SLC41A3: variants seen among roughly 807,000 people sequenced by gnomAD.
SLC41A3 encodes the protein SLC41A1-like 2.
Under a neutral mutation model 45.4 loss-of-function variants are expected in SLC41A3, and 44 were observed. The observed-to-expected ratio is 0.97, with a 90% CI of 0.76 to 1.25. SLC41A3 has a LOEUF of 1.25. SLC41A3 is among the 50% of genes most tolerant of loss of function. SLC41A3 has a pLI of 0.00. For synonymous variants in SLC41A3, 256 were observed against 252.4 expected (o/e 1.01, Z -0.13); for missense variants, 550 against 600.6 (o/e 0.92, Z 0.88).
chr3:126,090,028 C>CTTTTTTTTTTTTT (rs59737864), intron 1 of SLC41A3, among the ~76,000 whole-genome samples: 3 of 99,336 alleles, frequency 3.0e-5, no homozygotes, highest in Non-Finnish European at 5.9e-5. Flanking sequence ...TCAAGAAAAT[C>CTTTTTTTTTTTTT]TTTTTTTTTT....
chr3:126,010,062 T>A (rs1939541367), intron 9 of SLC41A3, among the ~76,000 whole-genome samples: 1 of 152,238 alleles, frequency 6.6e-6, no homozygotes, highest in South Asian at 2.1e-4. Context: ...TGGGCTGCAA[T>A]GAACAACATG....
intron 2 of SLC41A3, among the ~76,000 whole-genome samples, chr3:126,054,286 G>A (rs1187108848): frequency 2.0e-5 from 3 of 152,174 alleles, no homozygotes; most frequent in Admixed American, 6.5e-5. Flanking sequence ...AGATGACTAA[G>A]CACAGAGGAC....
At chr3:126,056,741 G>A (rs1315007555) in intron 2 of SLC41A3, 1 of 1,421,930 alleles carries the variant, frequency 7.0e-7, no homozygotes, top group African/African-American at 1.4e-5. Context: ...CAGCACAGAT[G>A]AGTGAGGAAC....
chr3:126,062,810 G>T (rs1327371453), intron 2 of SLC41A3, among the ~76,000 whole-genome samples: 2 of 152,170 alleles, frequency 1.3e-5, no homozygotes, highest in East Asian at 3.8e-4. Flanking sequence ...GCCCATTTAT[G>T]CTGTCATCTG....
chr3:126,015,071 T>C lies in SLC41A3; in HGVS notation c.970+423A>G, dbSNP rs148336746. On this transcript the variant is annotated intron_variant, in intron 8 of 10. Coordinates refer to ENST00000360370, the MANE Select transcript of SLC41A3 (RefSeq NM_017836.4). ...AGAAGAAGAAATCCAGATTTTTAAG[T>C]GTAAATATCTGAGTTCTGATGTCAG... Among the ~76,000 whole-genome samples the C allele has an allele frequency of 4.4e-3, 673 of 152,188 alleles. 4 individuals are homozygous for C. Among genetic ancestry groups the C allele is most frequent in the African/African-American group, 0.015 (636 of 41,528 alleles).
At chr3:126,059,949 G>A (rs779273851) in intron 2 of SLC41A3, among the ~76,000 whole-genome samples, 3 of 152,078 alleles carry the variant, frequency 2.0e-5, no homozygotes, top group African/African-American at 4.8e-5. Context: ...TCATAGTTTC[G>A]GACGTGGTCA....
rs1258442225 is a variant in SLC41A3 at position 126,063,252 on chromosome 3, C to T, written c.273+4695G>A. On this transcript the variant is annotated intron_variant, in intron 2 of 10. Coordinates refer to ENST00000360370, the MANE Select transcript of SLC41A3 (RefSeq NM_017836.4). ...ATATGCCACCTGCAGGAGGGGTGGT[C>T]TCCCCTGTCCTCAGTCCTTTGCCAG... 2.6e-5 allele frequency among the ~76,000 whole-genome samples: 4 copies of T among 152,150 alleles called. No individual in the cohort carries two copies. The East Asian group carries it at 7.7e-4, about 29-fold the overall frequency.
chr3:126,069,021 T>A (rs759841034), intron 1 of SLC41A3, among the ~76,000 whole-genome samples: 4 of 152,140 alleles, frequency 2.6e-5, no homozygotes, highest in Non-Finnish European at 5.9e-5. Context: ...AGGAAGGGGA[T>A]GTCAACAGGG....
At chr3:126,022,574 A>T (rs1940982694) in intron 6 of SLC41A3, among the ~76,000 whole-genome samples, 1 of 152,210 alleles carries the variant, frequency 6.6e-6, no homozygotes, top group Non-Finnish European at 1.5e-5. Flanking sequence ...TCATTAATCC[A>T]TCAATCCATT....
At chr3:126,065,280 G>C (rs186939904) in intron 2 of SLC41A3, among the ~76,000 whole-genome samples, 1 of 152,346 alleles carries the variant, frequency 6.6e-6, no homozygotes, top group East Asian at 1.9e-4. Context: ...AGAACTATGA[G>C]CTAATCAATG....
At chr3:126,056,444 A>G in intron 2 of SLC41A3, 1 of 1,614,266 alleles carries the variant, frequency 6.2e-7, no homozygotes, top group South Asian at 1.1e-5. Context: ...ATGATGGTGA[A>G]GAAAGATTCA....
intron 2 of SLC41A3, among the ~76,000 whole-genome samples, chr3:126,067,315 G>A (rs1394343312): frequency 5.9e-5 from 9 of 152,222 alleles, no homozygotes; most frequent in Non-Finnish European, 7.4e-5. Context: ...GCAAAAATTC[G>A]TATGTTGAAG....
At chr3:126,023,611 G>C (rs1325911455) in intron 5 of SLC41A3, 2 of 152,400 alleles carry the variant, frequency 1.3e-5, no homozygotes, top group African/African-American at 4.8e-5. Context: ...GCTTAGCGGT[G>C]CTGTCCATGG....
chr3:126,022,450 G>T (rs1354756154), intron 6 of SLC41A3, among the ~76,000 whole-genome samples: 1 of 152,224 alleles, frequency 6.6e-6, no homozygotes, highest in African/African-American at 2.4e-5. Context: ...CTTGCTGGCG[G>T]GGACTCTGTG....
At chr3:126,068,935 G>A (rs1010827815) in intron 1 of SLC41A3, among the ~76,000 whole-genome samples, 1 of 152,178 alleles carries the variant, frequency 6.6e-6, no homozygotes, top group Non-Finnish European at 1.5e-5. Context: ...GAAGTTAGTA[G>A]AAAACAATTA....
At chr3:126,033,486 AC>A in intron 4 of SLC41A3, 120 bp downstream of exon 4, 1 of 1,047,272 alleles carries the variant, frequency 9.5e-7, no homozygotes, top group African/African-American at 1.6e-5. Context: ...ACAGGTAGCT[AC>A]CTGTTCTCAA....
rs543895191 is a variant in SLC41A3, at chr3:126,066,090, C to T, written c.273+1857G>A. Reference sequence around the variant, plus strand: ...TCTCACCAACAGAAGCAAGGCCATGCTGCTTCTATGACTAGTTTACAGAGG... The same window carrying T: ...TCTCACCAACAGAAGCAAGGCCATGTTGCTTCTATGACTAGTTTACAGAGG... On this transcript the variant is annotated intron_variant, in intron 2 of 10. Coordinates refer to ENST00000360370, the MANE Select transcript of SLC41A3 (RefSeq NM_017836.4). Among the ~76,000 whole-genome samples the T allele has an allele frequency of 2.2e-4, 34 of 152,344 alleles. 1 individual carries two copies. In the South Asian group the frequency reaches 6.8e-3, roughly 31 times the overall value.
intron 2 of SLC41A3, chr3:126,067,561 T>C: frequency 2.2e-6 from 1 of 450,692 alleles, no homozygotes; most frequent in Non-Finnish European, 4.4e-6. Flanking sequence ...GCCAACACCT[T>C]GATCTTGGAC....
intron 3 of SLC41A3, among the ~76,000 whole-genome samples, chr3:126,038,686 G>A (rs1336716637): frequency 6.6e-6 from 1 of 152,182 alleles, no homozygotes; most frequent in Non-Finnish European, 1.5e-5. Context: ...ATGAGACATT[G>A]GACTTTTGAT....
Sources: gnomAD v4.1 joint callset for allele counts (sites outside exome capture counted in the v4.1 genomes callset) on GRCh38, gnomAD v4.1.1 for gene constraint, MANE v1.5 for transcripts, NCBI Gene and HGNC (gene_info 2026-07-23, HGNC 2026-07-21) for gene names.